MICU1: variants seen among roughly 807,000 people sequenced by gnomAD.
MICU1 encodes mitochondrial calcium uptake 1.
In MICU1, 45 loss-of-function variants were observed where a neutral mutation model predicts 56.8. That is an observed-to-expected ratio of 0.79 (90% CI 0.62 to 1.02). The LOEUF is 1.02. Ranked by LOEUF, MICU1 falls within the 50% of genes least tolerant of loss-of-function variation. MICU1 has a pLI of 0.00. For missense variants in MICU1, 504 were observed against 587.1 expected, an observed-to-expected ratio of 0.86 and a Z score of 1.46; for synonymous variants, 186 against 195.1, an observed-to-expected ratio of 0.95 and a Z score of 0.39.
At chr10:72,490,609 G>A (rs1457900252) in intron 6 of MICU1, among the ~76,000 whole-genome samples, 1 of 152,122 alleles carries the variant, frequency 6.6e-6, no homozygotes, top group Non-Finnish European at 1.5e-5. Flanking sequence ...TACAGAGAGA[G>A]TTATGGGGGT....
At chr10:72,523,569 T>C (rs1483843477) in intron 5 of MICU1, among the ~76,000 whole-genome samples, 1 of 152,174 alleles carries the variant, frequency 6.6e-6, no homozygotes, top group African/African-American at 2.4e-5. Flanking sequence ...AAAAATGTAC[T>C]GTAAAAATAA....
chr10:72,551,366 T>G (rs1489967502), intron 3 of MICU1, 25 bp from the exon 4 acceptor site: 1 of 1,576,620 alleles, frequency 6.3e-7, no homozygotes, highest in African/African-American at 1.4e-5. Flanking sequence ...TTAGAAAGTG[T>G]TACTATATTA....
chr10:72,444,338 A>G lies in MICU1; in HGVS notation c.934-20967T>C, dbSNP rs577342303. Among the ~76,000 whole-genome samples, 376 of 152,062 alleles carry G rather than the reference A, an allele frequency of 2.5e-3. 1 individual carries two copies. The highest frequency in any genetic ancestry group is 4.0e-3 in the Non-Finnish European group (274 of 67,998). Reference sequence around the variant, plus strand: ...GTATACATATCTAACTAACCTGCACATTGTGCACATGTACCCTAAAACTTA... The same window carrying G: ...GTATACATATCTAACTAACCTGCACGTTGTGCACATGTACCCTAAAACTTA... On this transcript the variant is annotated intron_variant, in intron 8 of 11. Coordinates refer to ENST00000361114, the MANE Select transcript of MICU1 (RefSeq NM_001195518.2).
intron 1 of MICU1, among the ~76,000 whole-genome samples, chr10:72,619,266 AACCCTGTC>A (rs1842047111): frequency 6.6e-6 from 1 of 151,908 alleles, no homozygotes; most frequent in Non-Finnish European, 1.5e-5. Context: ...AACACGGTGA[AACCCTGTC>A]TCTACTAAAA....
intron 1 of MICU1, among the ~76,000 whole-genome samples, chr10:72,568,837 C>T (rs1318500632): frequency 6.7e-6 from 1 of 150,160 alleles, no homozygotes; most frequent in Non-Finnish European, 1.5e-5. Flanking sequence ...ACTGCAACCT[C>T]CACCTCCCGG....
At chr10:72,625,786 A>G (rs1842213995) in intron 1 of MICU1, among the ~76,000 whole-genome samples, 1 of 152,158 alleles carries the variant, frequency 6.6e-6, no homozygotes, top group Non-Finnish European at 1.5e-5. Context: ...GGGGTGAAGG[A>G]AAGTGGAGGA....
intron 5 of MICU1, among the ~76,000 whole-genome samples, chr10:72,511,498 A>C (rs1342402260): frequency 6.6e-6 from 1 of 152,250 alleles, no homozygotes; most frequent in East Asian, 1.9e-4. Context: ...GAAATGGCTC[A>C]AAGGGGAAAT....
intron 3 of MICU1, among the ~76,000 whole-genome samples, chr10:72,555,442 T>C (rs1242544872): frequency 6.6e-6 from 1 of 152,164 alleles, no homozygotes; most frequent in East Asian, 1.9e-4. Context: ...TTGACAACTT[T>C]AAGTGATATG....
chr10:72,590,897 C>A (rs1279345414), intron 1 of MICU1, among the ~76,000 whole-genome samples: 1 of 147,146 alleles, frequency 6.8e-6, no homozygotes, highest in Non-Finnish European at 1.5e-5. Context: ...CAACCAGATA[C>A]AATGGACACC....
chr10:72,538,512 T>G (rs1357737103), intron 4 of MICU1, among the ~76,000 whole-genome samples: 1 of 152,148 alleles, frequency 6.6e-6, no homozygotes, highest in Non-Finnish European at 1.5e-5. Context: ...TAAGCTGTTA[T>G]CAGCTTGAAA....
chr10:72,611,052 C>T (rs1391620688), intron 1 of MICU1, among the ~76,000 whole-genome samples: 1 of 152,106 alleles, frequency 6.6e-6, no homozygotes, highest in Non-Finnish European at 1.5e-5. Context: ...CGCCTGTAAT[C>T]CCAGCACTTT....
In MICU1 at chr10:72,432,736, G is replaced by T. The variant is rs151060161; in HGVS notation, c.934-9365C>A. Among the ~76,000 whole-genome samples, 767 of 152,218 alleles carry T rather than the reference G, an allele frequency of 5.0e-3. 27 individuals are homozygous for T. The highest frequency in any genetic ancestry group is 1.1e-3 in the Non-Finnish European group (75 of 68,008). On this transcript the variant is annotated intron_variant, in intron 8 of 11. Coordinates refer to ENST00000361114, the MANE Select transcript of MICU1 (RefSeq NM_001195518.2). ...TTCATTACTATGGGGACGGCACCAG[G>T]CCATTCATGAGGGATCCACTCCCAC...
At chr10:72,377,633 G>A (rs185237484) in intron 10 of MICU1, among the ~76,000 whole-genome samples, 111 of 152,094 alleles carry the variant, frequency 7.3e-4, no homozygotes, top group African/African-American at 2.6e-3. Context: ...CCTCAAACCT[G>A]GTCTAGCTAC....
intron 6 of MICU1, among the ~76,000 whole-genome samples, chr10:72,480,101 A>G (rs932090460): frequency 1.3e-5 from 2 of 152,234 alleles, no homozygotes; most frequent in Middle Eastern, 3.2e-3. Flanking sequence ...AAAGAAGATC[A>G]GAAGCTCTTT....
chr10:72,489,329 TAA>T (rs80216178), intron 6 of MICU1, among the ~76,000 whole-genome samples: 16 of 134,110 alleles, frequency 1.2e-4, no homozygotes, highest in African/African-American at 4.0e-4. Context: ...CACACAAAAA[TAA>T]AAAAAAAAGG....
intron 5 of MICU1, chr10:72,509,433 G>A (rs1439243652): frequency 7.6e-7 from 1 of 1,320,652 alleles, no homozygotes; most frequent in South Asian, 1.2e-5. Flanking sequence ...AAACCACAAA[G>A]GAAAGAAAAC....
intron 1 of MICU1, among the ~76,000 whole-genome samples, chr10:72,580,825 A>C (rs1412432510): frequency 6.6e-6 from 1 of 152,214 alleles, no homozygotes; most frequent in Non-Finnish European, 1.5e-5. Flanking sequence ...TACTTGAATA[A>C]ATTATCCATT....
intron 8 of MICU1, among the ~76,000 whole-genome samples, chr10:72,432,411 T>A (rs958293408): frequency 2.6e-5 from 4 of 152,208 alleles, no homozygotes; most frequent in African/African-American, 7.2e-5. Flanking sequence ...ATTACAGGCA[T>A]GAGCCACCCT....
intron 9 of MICU1, among the ~76,000 whole-genome samples, chr10:72,409,606 G>A (rs1231651499): frequency 6.6e-6 from 1 of 152,162 alleles, no homozygotes; most frequent in Non-Finnish European, 1.5e-5. Context: ...TGGGAGGATC[G>A]CTTGAGCCTG....
Sources: gnomAD v4.1 joint callset for allele counts (sites outside exome capture counted in the v4.1 genomes callset) on GRCh38, gnomAD v4.1.1 for gene constraint, MANE v1.5 for transcripts, NCBI Gene and HGNC (gene_info 2026-07-23, HGNC 2026-07-21) for gene names.